MCTP1: variants seen among roughly 807,000 people sequenced by gnomAD.
The protein encoded by MCTP1 is multiple C2 and transmembrane domain containing 1, also known as multiple C2 and transmembrane domain-containing protein 1.
MCTP1 carries 69 observed loss-of-function variants against 120.6 expected under a neutral mutation model. The ratio of observed to expected loss-of-function variants is 0.57; its 90% CI spans 0.47 to 0.70. MCTP1 has a LOEUF of 0.70. Ranked by LOEUF, MCTP1 falls within the 30% of genes least tolerant of loss-of-function variation. MCTP1 has a pLI of 0.00. For synonymous variants in MCTP1, 529 were observed against 493.1 expected, an observed-to-expected ratio of 1.07 and a Z score of -0.96; for missense variants, 1,203 against 1,248.8, an observed-to-expected ratio of 0.96 and a Z score of 0.55.
At chr5:94,912,074 T>A (rs1378128259) in intron 9 of MCTP1, among the ~76,000 whole-genome samples, 2 of 152,124 alleles carry the variant, frequency 1.3e-5, no homozygotes, top group African/African-American at 4.8e-5. Context: ...CAAGTCAGGT[T>A]GGATAAAGTG....
chr5:95,207,239 T>C (rs1437066917), intron 1 of MCTP1, among the ~76,000 whole-genome samples: 1 of 152,160 alleles, frequency 6.6e-6, no homozygotes. Context: ...CAAGATATGA[T>C]CTTAAATATA....
chr5:94,852,301 A>G (rs1318189570), intron 17 of MCTP1, among the ~76,000 whole-genome samples: 4 of 151,926 alleles, frequency 2.6e-5, no homozygotes, highest in Non-Finnish European at 5.9e-5. Flanking sequence ...AGTGTGTGAG[A>G]GAATTATTAA....
intron 1 of MCTP1, among the ~76,000 whole-genome samples, chr5:95,259,495 A>G (rs142727853): frequency 6.6e-6 from 1 of 152,324 alleles, no homozygotes; most frequent in African/African-American, 2.4e-5. Context: ...TTCTCCTGCC[A>G]GACAACTGTC....
intron 2 of MCTP1, among the ~76,000 whole-genome samples, chr5:94,987,185 C>A (rs970463314): frequency 6.6e-6 from 1 of 152,014 alleles, no homozygotes; most frequent in African/African-American, 2.4e-5. Context: ...TTACTATAGG[C>A]TAGGCATTGT....
intron 1 of MCTP1, among the ~76,000 whole-genome samples, chr5:95,243,959 C>T (rs1756458193): frequency 6.6e-6 from 1 of 152,304 alleles, no homozygotes; most frequent in Admixed American, 6.5e-5. Flanking sequence ...TGGTGCCTCG[C>T]CTTTCACATA....
chr5:94,853,450 G>A (rs941272726), intron 17 of MCTP1, among the ~76,000 whole-genome samples: 1 of 151,926 alleles, frequency 6.6e-6, no homozygotes, highest in African/African-American at 2.4e-5. Flanking sequence ...ATGCAGACAA[G>A]GTTCAACTGT....
chr5:95,227,760 T>C (rs1754450346), intron 1 of MCTP1, among the ~76,000 whole-genome samples: 2 of 152,192 alleles, frequency 1.3e-5, no homozygotes, highest in South Asian at 4.1e-4. Context: ...ACTAGGTCAT[T>C]ACCTTATATT....
intron 17 of MCTP1, among the ~76,000 whole-genome samples, chr5:94,800,348 T>A (rs976448965): frequency 6.6e-6 from 1 of 152,144 alleles, no homozygotes; most frequent in Non-Finnish European, 1.5e-5. Context: ...AACTGGGAGT[T>A]TCAGCCAGCT....
intron 2 of MCTP1, among the ~76,000 whole-genome samples, chr5:95,001,906 C>G (rs1470791011): frequency 2.6e-5 from 4 of 152,118 alleles, no homozygotes; most frequent in Admixed American, 1.3e-4. Flanking sequence ...TCATGACAGC[C>G]CCTCCCACCA....
rs1159771217 is a variant in MCTP1 at position 94,704,504 on chromosome 5, T to TG, written c.*2991dup. On this transcript the variant is annotated 3_prime_UTR_variant, in exon 23 of 23. Coordinates refer to ENST00000515393, the MANE Select transcript of MCTP1 (RefSeq NM_024717.7). Reference sequence around the variant, plus strand: ...GGAGACCTTAGATATGAGATCAAAGTGGAAAAAAAGCTCCTGTGGTCCCTA... The same window carrying TG: ...GGAGACCTTAGATATGAGATCAAAGTGGGAAAAAAAGCTCCTGTGGTCCCTA... 5 of 151,410 alleles carry TG rather than the reference T, an allele frequency of 3.3e-5. No individual in the cohort carries two copies. Among genetic ancestry groups the TG allele is most frequent in the African/African-American group, 1.2e-4 (5 of 41,332 alleles). The allele number at this position is 151,410 out of a possible 1,614,324, so 9.4% of individuals were successfully genotyped here. A position where few individuals can be genotyped will look rare whatever the true frequency, so the allele number is the denominator to read the frequency against.
intron 19 of MCTP1, among the ~76,000 whole-genome samples, chr5:94,729,127 G>A (rs771056332): frequency 1.3e-5 from 2 of 152,208 alleles, no homozygotes; most frequent in Non-Finnish European, 2.9e-5. Flanking sequence ...CTCTGTAGTT[G>A]AGAACAGTTT....
intron 19 of MCTP1, among the ~76,000 whole-genome samples, chr5:94,721,083 T>C (rs1051850439): frequency 6.6e-6 from 1 of 152,154 alleles, no homozygotes; most frequent in Non-Finnish European, 1.5e-5. Flanking sequence ...TACAAAGAAT[T>C]CCTTTGAGAT....
intron 8 of MCTP1, 108 bp downstream of exon 8, chr5:94,917,788 A>T (rs1392073728): frequency 1.4e-6 from 1 of 719,666 alleles, no homozygotes; most frequent in African/African-American, 1.8e-5. Flanking sequence ...CATATCTACA[A>T]AATAGGTTAG....
At chr5:95,173,337 G>A (rs572123327) in intron 1 of MCTP1, among the ~76,000 whole-genome samples, 2 of 152,200 alleles carry the variant, frequency 1.3e-5, no homozygotes, top group African/African-American at 4.8e-5. Context: ...CATATGGCAA[G>A]TGGAAGGAAT....
intron 17 of MCTP1, among the ~76,000 whole-genome samples, chr5:94,839,277 C>T (rs1790490005): frequency 6.6e-6 from 1 of 152,138 alleles, no homozygotes; most frequent in African/African-American, 2.4e-5. Flanking sequence ...CACTGAATAT[C>T]CACAAAATTT....
chr5:94,707,319 A>ACAATAGAAGTATATATT lies in MCTP1; in HGVS notation c.*160_*176dup, dbSNP rs1580158469. On this transcript the variant is annotated 3_prime_UTR_variant, in exon 23 of 23. Transcript: ENST00000515393. ...AAAACCTTTATCAAGTTGAGTCTGT[A>ACAATAGAAGTATATATT]CAATAGAAGTATATATTCAAAGACA... 4 of 560,446 alleles carry ACAATAGAAGTATATATT rather than the reference A, an allele frequency of 7.1e-6. No individual in the cohort carries two copies. The East Asian group carries it at 1.2e-4, about 17-fold the overall frequency. The allele number at this position is 560,446 out of a possible 1,614,324, so 34.7% of individuals were successfully genotyped here.
At chr5:94,720,163 A>T (rs554318151) in intron 19 of MCTP1, among the ~76,000 whole-genome samples, 226 of 151,996 alleles carry the variant, frequency 1.5e-3, no homozygotes, top group African/African-American at 4.6e-3. Context: ...TAAAAATTTT[A>T]AAAAAGTTAA....
At chr5:95,265,556 A>G (rs1758814699) in intron 1 of MCTP1, among the ~76,000 whole-genome samples, 1 of 152,166 alleles carries the variant, frequency 6.6e-6, no homozygotes, top group Admixed American at 6.5e-5. Flanking sequence ...ATGGCCATGA[A>G]ATCAATGAGA....
rs75799908 is a variant in MCTP1 at position 94,818,791 on chromosome 5, T to C, written c.2437-19659A>G. Among the ~76,000 whole-genome samples the C allele has an allele frequency of 9.3e-3, 1,423 of 152,328 alleles. 23 individuals are homozygous for C. The highest frequency in any genetic ancestry group is 0.033 in the African/African-American group (1,356 of 41,574). ...GTGTGAGACTTACCTTCCTGCTACC[T>C]GTTTGACTAGGATGGTCAGACGGAA... On this transcript the variant is annotated intron_variant, in intron 17 of 22. Coordinates refer to ENST00000515393, the MANE Select transcript of MCTP1 (RefSeq NM_024717.7).
Sources: gnomAD v4.1 joint callset for allele counts (sites outside exome capture counted in the v4.1 genomes callset) on GRCh38, gnomAD v4.1.1 for gene constraint, MANE v1.5 for transcripts, NCBI Gene and HGNC (gene_info 2026-07-23, HGNC 2026-07-21) for gene names.